The following ADAMTS17 variants were observed in gnomAD, a reference collection of about 807,000 sequenced individuals.
ADAMTS17 encodes the protein ADAM metallopeptidase with thrombospondin type 1 motif 17.
Under a neutral mutation model 141.5 loss-of-function variants are expected in ADAMTS17, and 113 were observed. That is an observed-to-expected ratio of 0.80 (90% CI 0.69 to 0.93). The LOEUF is 0.93. ADAMTS17 is among the 40% of genes least tolerant of loss of function. The pLI, the probability that ADAMTS17 is intolerant of heterozygous loss-of-function variation, is 0.00. For missense variants in ADAMTS17, 1,659 were observed against 1,517.9 expected (o/e 1.09, Z -1.54); for synonymous variants, 768 against 630.6 (o/e 1.22, Z -3.27).
At chr15:100,267,876 G>A (rs1251958307) in intron 4 of ADAMTS17, among the ~76,000 whole-genome samples, 1 of 152,196 alleles carries the variant, frequency 6.6e-6, no homozygotes, top group Non-Finnish European at 1.5e-5. Context: ...TTGTCTTACA[G>A]ACAATACATT....
At chr15:100,051,490 C>A (rs911703902) in intron 17 of ADAMTS17, 82 bp downstream of exon 17, 2 of 1,589,434 alleles carry the variant, frequency 1.3e-6, no homozygotes, top group African/African-American at 2.7e-5. Context: ...ATGTCTCACA[C>A]TCTGCGTGCT....
At chr15:100,237,359 C>A (rs11247171) in intron 7 of ADAMTS17, among the ~76,000 whole-genome samples, 3 of 151,974 alleles carry the variant, frequency 2.0e-5, no homozygotes, top group East Asian at 1.9e-4. Context: ...CTGCCTTTAC[C>A]TACATTAGGA....
At chr15:100,152,786 G>A (rs2039237517) in intron 9 of ADAMTS17, 24 bp from the exon 10 acceptor site, 1 of 1,613,900 alleles carries the variant, frequency 6.2e-7, no homozygotes, top group Non-Finnish European at 8.5e-7. Context: ...GAGGCAAGTT[G>A]ACTTGCAAAT....
chr15:99,977,865 A>G (rs2060398115), intron 20 of ADAMTS17, among the ~76,000 whole-genome samples: 1 of 152,092 alleles, frequency 6.6e-6, no homozygotes, highest in South Asian at 2.1e-4. Flanking sequence ...GCCTCTTCCC[A>G]GGAAGACAGC....
chr15:100,253,262 T>G (rs1225479281), intron 7 of ADAMTS17, among the ~76,000 whole-genome samples: 1 of 147,558 alleles, frequency 6.8e-6, no homozygotes, highest in Admixed American at 6.8e-5. Context: ...CAAAGAATGG[T>G]TTCCATTTGA....
intron 8 of ADAMTS17, among the ~76,000 whole-genome samples, chr15:100,178,949 C>T (rs989994957): frequency 1.3e-4 from 20 of 152,038 alleles, no homozygotes; most frequent in African/African-American, 4.8e-4. Context: ...ATACATTGTT[C>T]CCAATTTTTT....
chr15:100,011,083 C>T (rs2061158119), intron 18 of ADAMTS17, among the ~76,000 whole-genome samples: 1 of 151,552 alleles, frequency 6.6e-6, no homozygotes, highest in East Asian at 2.0e-4. Flanking sequence ...GTGAGGACTA[C>T]TGAGAAACCA....
At chr15:100,239,733 G>A (rs1272227161) in intron 7 of ADAMTS17, among the ~76,000 whole-genome samples, 1 of 152,186 alleles carries the variant, frequency 6.6e-6, no homozygotes, top group East Asian at 1.9e-4. Flanking sequence ...AGAGAGAAGG[G>A]ACATGGTGTG....
chr15:100,213,109 C>A lies in ADAMTS17; in HGVS notation c.1076-13686G>T, dbSNP rs184992356. Among the ~76,000 whole-genome samples, 16 of 151,974 alleles carry A rather than the reference C, an allele frequency of 1.1e-4. No homozygotes were observed. In the East Asian group the frequency reaches 2.9e-3, roughly 28 times the overall value. On this transcript the variant is annotated intron_variant, in intron 7 of 21. Coordinates refer to ENST00000268070, the MANE Select transcript of ADAMTS17 (RefSeq NM_139057.4). ...ATATAAAATACAAATTTTATATATA[C>A]CACTCTATTCTGTTTGGACAAGGCC...
At chr15:100,219,886 G>A (rs1381703825) in intron 7 of ADAMTS17, among the ~76,000 whole-genome samples, 1 of 152,074 alleles carries the variant, frequency 6.6e-6, no homozygotes, top group Non-Finnish European at 1.5e-5. Context: ...ACTTTCCACT[G>A]AGCATTCTTT....
At chr15:100,324,304 CAAAT>C (rs927776403) in intron 3 of ADAMTS17, among the ~76,000 whole-genome samples, 5 of 151,688 alleles carry the variant, frequency 3.3e-5, no homozygotes, top group Admixed American at 1.3e-4. Context: ...GACTCCGTCT[CAAAT>C]AAATAAATAA....
chr15:100,084,845 A>G (rs981918380), intron 15 of ADAMTS17, among the ~76,000 whole-genome samples: 4 of 152,192 alleles, frequency 2.6e-5, no homozygotes, highest in Admixed American at 2.0e-4. Flanking sequence ...CCATCTGTAC[A>G]TCACCATCAT....
chr15:99,995,455 C>CG (rs2060782756), intron 19 of ADAMTS17, among the ~76,000 whole-genome samples: 1 of 152,218 alleles, frequency 6.6e-6, no homozygotes, highest in Non-Finnish European at 1.5e-5. Flanking sequence ...CTGCTGAGGA[C>CG]GGCTCCAGCT....
intron 10 of ADAMTS17, among the ~76,000 whole-genome samples, chr15:100,137,122 G>C (rs2038374778): frequency 6.6e-6 from 1 of 152,196 alleles, no homozygotes; most frequent in African/African-American, 2.4e-5. Context: ...ACGACCCTTG[G>C]CCAACTAAGA....
intron 13 of ADAMTS17, among the ~76,000 whole-genome samples, chr15:100,113,502 G>C (rs79607127): frequency 0.011 from 1,606 of 152,258 alleles, 40 homozygotes; most frequent in African/African-American, 0.036. Flanking sequence ...ATTACCTTTT[G>C]AACACATAAA....
intron 3 of ADAMTS17, among the ~76,000 whole-genome samples, chr15:100,307,303 CAA>C (rs971162159): frequency 9.5e-4 from 145 of 152,270 alleles, no homozygotes; most frequent in African/African-American, 3.4e-3. Flanking sequence ...AATCCTTTCA[CAA>C]AGTTTGGTGT....
chr15:100,261,254 G>A (rs986347546), intron 6 of ADAMTS17, among the ~76,000 whole-genome samples: 1 of 152,208 alleles, frequency 6.6e-6, no homozygotes, highest in Non-Finnish European at 1.5e-5. Flanking sequence ...ATGTGACAAT[G>A]GAGGAGGGAC....
rs751278585 is a variant in ADAMTS17 at position 100,330,923 on chromosome 15, G to C, written c.582C>G (p.Ala194=). Residue 194 remains alanine, a synonymous_variant, in exon 3 of 22, where the codon GCC becomes GCG. Transcript: ENST00000268070. The part of the protein sequence containing the change: ...WSLTPSPSAE[A]QRPEQLCKVL... ...CCTTGCAGAGCTGCTCAGGTCTCTGGGCCTCAGCAGAAGGGCTGGGGGTCA... is the reference window on the plus strand; with the variant it reads ...CCTTGCAGAGCTGCTCAGGTCTCTGCGCCTCAGCAGAAGGGCTGGGGGTCA... 4 of 1,614,132 alleles carry C rather than the reference G, an allele frequency of 2.5e-6. No homozygotes were observed. Among genetic ancestry groups the C allele is most frequent in the Non-Finnish European group, 1.7e-6 (2 of 1,180,024 alleles).
chr15:100,114,001 G>T (rs2036955579), intron 13 of ADAMTS17, among the ~76,000 whole-genome samples: 1 of 152,212 alleles, frequency 6.6e-6, no homozygotes, highest in African/African-American at 2.4e-5. Context: ...GAAATGGGGT[G>T]GGTTTGGCAG....
Sources: gnomAD v4.1 joint callset for allele counts (sites outside exome capture counted in the v4.1 genomes callset) on GRCh38, gnomAD v4.1.1 for gene constraint, MANE v1.5 for transcripts, NCBI Gene and HGNC (gene_info 2026-07-23, HGNC 2026-07-21) for gene names.